The following CREB5 variants were observed in gnomAD, a reference collection of about 807,000 sequenced individuals.
CREB5 encodes the protein cAMP responsive element binding protein 5, also known as cyclic AMP-responsive element-binding protein 5.
A neutral mutation model predicts 57.1 loss-of-function variants in CREB5; 19 were observed. The observed-to-expected ratio is 0.33, with a 90% CI of 0.23 to 0.49. The LOEUF (loss-of-function observed/expected upper bound fraction) is 0.49, where lower values mean the gene tolerates loss of function less well. Among genes scored for constraint, CREB5 ranks in the 20% least tolerant of loss-of-function variants. The pLI is 0.99. For missense variants in CREB5, 579 were observed against 671.6 expected, an observed-to-expected ratio of 0.86 and a Z score of 1.52; for synonymous variants, 238 against 238.3, an observed-to-expected ratio of 1.00 and a Z score of 0.01.
At chr7:28,583,430 G>C (rs1796190911) in intron 5 of CREB5, among the ~76,000 whole-genome samples, 1 of 152,192 alleles carries the variant, frequency 6.6e-6, no homozygotes, top group African/African-American at 2.4e-5. Context: ...CTAGTATTTG[G>C]ATGCGAGGGA....
upstream of CREB5, chr7:28,410,099 C>T (rs1293864695): frequency 7.7e-6 from 3 of 387,566 alleles, no homozygotes; most frequent in Non-Finnish European, 1.0e-5. Context: ...TCGCTCTCCC[C>T]GGTGCGGAGC....
intron 5 of CREB5, among the ~76,000 whole-genome samples, chr7:28,628,994 G>A (rs1798105884): frequency 1.3e-5 from 2 of 152,134 alleles, no homozygotes; most frequent in South Asian, 4.1e-4. Flanking sequence ...GCTTAATTTA[G>A]GATAGTGATT....
intron 4 of CREB5, 132 bp from the exon 5 acceptor site, chr7:28,570,233 A>G (rs1386001806): frequency 1.1e-6 from 1 of 895,744 alleles, no homozygotes; most frequent in East Asian, 2.5e-5. Context: ...GAATGGGCCT[A>G]TGGCTTGCCG....
chr7:28,794,895 T>G (rs1434452791), intron 7 of CREB5, among the ~76,000 whole-genome samples: 2 of 152,170 alleles, frequency 1.3e-5, no homozygotes, highest in East Asian at 3.9e-4. Flanking sequence ...GGGATGTTCG[T>G]CCCAGTGTTA....
chr7:28,646,294 T>C (rs779420878), intron 5 of CREB5, among the ~76,000 whole-genome samples: 3 of 152,122 alleles, frequency 2.0e-5, no homozygotes, highest in Non-Finnish European at 2.9e-5. Context: ...AATTTTTCAG[T>C]CTAAAGATCC....
chr7:28,455,932 C>G (rs1172457344), intron 1 of CREB5, among the ~76,000 whole-genome samples: 1 of 152,174 alleles, frequency 6.6e-6, no homozygotes, highest in Admixed American at 6.5e-5. Context: ...GGACAATGGA[C>G]AGATAACTTC....
chr7:28,558,403 C>T (rs1176992610), intron 4 of CREB5, among the ~76,000 whole-genome samples: 1 of 152,214 alleles, frequency 6.6e-6, no homozygotes, highest in African/African-American at 2.4e-5. Flanking sequence ...AATGCAAGGC[C>T]ATTCATGAAG....
At chr7:28,738,663 A>G (rs138461008) in intron 7 of CREB5, among the ~76,000 whole-genome samples, 2 of 152,344 alleles carry the variant, frequency 1.3e-5, no homozygotes, top group South Asian at 2.1e-4. Flanking sequence ...AGAGTCTACA[A>G]GCGAGTTGTT....
intron 5 of CREB5, among the ~76,000 whole-genome samples, chr7:28,583,529 G>A (rs1404255630): frequency 6.6e-6 from 1 of 152,152 alleles, no homozygotes; most frequent in Non-Finnish European, 1.5e-5. Context: ...AATAACAAAG[G>A]AAGTTGTATC....
chr7:28,802,387 G>A (rs576291191), intron 7 of CREB5, among the ~76,000 whole-genome samples: 19 of 152,108 alleles, frequency 1.2e-4, no homozygotes, highest in South Asian at 2.1e-4. Context: ...TAATTGAATT[G>A]GTATTTTTCA....
intron 1 of CREB5, among the ~76,000 whole-genome samples, chr7:28,451,707 C>T (rs960811894): frequency 6.6e-6 from 1 of 151,940 alleles, no homozygotes; most frequent in Non-Finnish European, 1.5e-5. Context: ...AGAAGTATGG[C>T]GGTCCTACAG....
intron 4 of CREB5, among the ~76,000 whole-genome samples, chr7:28,564,394 T>C (rs1269647011): frequency 6.6e-6 from 1 of 152,240 alleles, no homozygotes; most frequent in African/African-American, 2.4e-5. Context: ...TCATCCTTCA[T>C]TACCACACCC....
At chr7:28,546,427 A>G (rs1241102491) in intron 4 of CREB5, among the ~76,000 whole-genome samples, 3 of 152,194 alleles carry the variant, frequency 2.0e-5, no homozygotes, top group Non-Finnish European at 4.4e-5. Context: ...TTTCTGGGTC[A>G]TGTGGTAACT....
At chr7:28,724,023 A>C (rs988222419) in intron 6 of CREB5, among the ~76,000 whole-genome samples, 199 bp from the exon 7 acceptor site, 1 of 152,172 alleles carries the variant, frequency 6.6e-6, no homozygotes, top group Non-Finnish European at 1.5e-5. Context: ...CCTGTATAGA[A>C]GCACGGCTTT....
chr7:28,447,149 G>A (rs182051616), intron 1 of CREB5, among the ~76,000 whole-genome samples: 1 of 152,352 alleles, frequency 6.6e-6, no homozygotes, highest in African/African-American at 2.4e-5. Flanking sequence ...AGGGCTTGCA[G>A]GGCACACCAT....
chr7:28,343,845 C>G (rs983660937), intron 1 of CREB5, among the ~76,000 whole-genome samples: 7 of 152,202 alleles, frequency 4.6e-5, no homozygotes, highest in African/African-American at 1.7e-4. Flanking sequence ...CTCTTTTCTC[C>G]ACATTCTTGC....
intron 1 of CREB5, among the ~76,000 whole-genome samples, chr7:28,339,151 A>T (rs1490677282): frequency 6.6e-6 from 1 of 152,046 alleles, no homozygotes; most frequent in Non-Finnish European, 1.5e-5. Flanking sequence ...TGGTGAGGTC[A>T]TGTTTTCCTG....
intron 1 of CREB5, among the ~76,000 whole-genome samples, chr7:28,397,112 C>T (rs143346420): frequency 1.3e-4 from 19 of 151,994 alleles, no homozygotes; most frequent in African/African-American, 2.9e-4. Context: ...ATTTTAAAGG[C>T]GCAGTGTAAT....
At chr7:28,479,101 C>A (rs188335903) in intron 1 of CREB5, among the ~76,000 whole-genome samples, 2 of 152,260 alleles carry the variant, frequency 1.3e-5, no homozygotes, top group Admixed American at 1.3e-4. Context: ...TGTATGTGGT[C>A]TTTGTTTTCA....
Sources: gnomAD v4.1 joint callset for allele counts (sites outside exome capture counted in the v4.1 genomes callset) on GRCh38, gnomAD v4.1.1 for gene constraint, MANE v1.5 for transcripts, NCBI Gene and HGNC (gene_info 2026-07-23, HGNC 2026-07-21) for gene names.